MOB3B: variants seen among roughly 807,000 people sequenced by gnomAD.
MOB3B encodes MOB kinase activator 3B.
A neutral mutation model predicts 18.7 loss-of-function variants in MOB3B; 7 were observed. That is an observed-to-expected ratio of 0.37 (90% CI 0.21 to 0.70). MOB3B has a LOEUF of 0.70. Ranked by LOEUF, MOB3B falls within the 30% of genes least tolerant of loss-of-function variation. The pLI is 0.52. For synonymous variants in MOB3B, 111 were observed against 99.9 expected (o/e 1.11, Z -0.66); for missense variants, 253 against 281.3 (o/e 0.90, Z 0.72).
At chr9:27,494,676 G>T (rs10812603) in intron 1 of MOB3B, among the ~76,000 whole-genome samples, 96,560 of 151,898 alleles carry the variant, frequency 0.64, 31,800 homozygotes, top group Non-Finnish European at 0.71. Context: ...CACCAAACCT[G>T]GCTAATTTTT....
At chr9:27,364,933 C>A (rs1821321542) in intron 2 of MOB3B, among the ~76,000 whole-genome samples, 1 of 152,048 alleles carries the variant, frequency 6.6e-6, no homozygotes, top group Admixed American at 6.5e-5. Context: ...ACTAAATAAG[C>A]CCTGGAGTAT....
At chr9:27,458,193 G>GAGC (rs567763990) in intron 1 of MOB3B, among the ~76,000 whole-genome samples, 6 of 152,100 alleles carry the variant, frequency 3.9e-5, no homozygotes, top group Non-Finnish European at 8.8e-5. Context: ...ACAGTCCTCA[G>GAGC]AGCAACTTTC....
chr9:27,441,578 A>G (rs1822595305), intron 2 of MOB3B, among the ~76,000 whole-genome samples: 1 of 152,214 alleles, frequency 6.6e-6, no homozygotes, highest in Non-Finnish European at 1.5e-5. Context: ...TTCTTGTCCC[A>G]GGTAGGACAG....
chr9:27,380,987 C>T (rs1821569940), intron 2 of MOB3B, among the ~76,000 whole-genome samples: 1 of 152,154 alleles, frequency 6.6e-6, no homozygotes, highest in Non-Finnish European at 1.5e-5. Context: ...CATCAGTTCA[C>T]TACCTCTCAC....
rs2131325337 is a variant in MOB3B, at chr9:27,327,710, CA to C, written c.*2876del. 6.6e-6 allele frequency: 1 copy of C among 152,106 alleles called. No homozygotes were observed. The highest frequency in any genetic ancestry group is 6.6e-5 in the Admixed American group (1 of 15,266). 9.4% of individuals were successfully genotyped at this position (152,106 alleles called of 1,614,324 possible). A position where few individuals can be genotyped will look rare whatever the true frequency, so the allele number is the denominator to read the frequency against. On this transcript the variant is annotated 3_prime_UTR_variant, in exon 4 of 4. Coordinates refer to ENST00000262244, the MANE Select transcript of MOB3B (RefSeq NM_024761.5). ...ATTGGATCCTGGATTTAAAAATAAACAGCTATAAAGGATATTTTGGGGACAA... is the reference window on the plus strand; with the variant it reads ...ATTGGATCCTGGATTTAAAAATAAACGCTATAAAGGATATTTTGGGGACAA...
Position 27,409,564 on chromosome 9 carries a change from G to A in MOB3B, c.418+45569C>T, listed in dbSNP as rs139646895. On this transcript the variant is annotated intron_variant, in intron 2 of 3. Transcript: ENST00000262244. ...TAAACATAGAATTATCATATGCTCC[G>A]GCAATTCCACATCTAGGTATATACC... Among the ~76,000 whole-genome samples the A allele has an allele frequency of 1.3e-3, 198 of 152,062 alleles. 1 individual carries two copies. Among genetic ancestry groups the A allele is most frequent in the Non-Finnish European group, 5.0e-4 (34 of 68,004 alleles).
intron 2 of MOB3B, among the ~76,000 whole-genome samples, chr9:27,389,078 C>T (rs901994464): frequency 3.4e-4 from 52 of 152,026 alleles, no homozygotes; most frequent in Admixed American, 3.1e-3. Flanking sequence ...TGATGGTATC[C>T]CACTAATGCT....
intron 1 of MOB3B, among the ~76,000 whole-genome samples, chr9:27,494,564 G>A (rs888856958): frequency 6.6e-6 from 1 of 152,154 alleles, no homozygotes; most frequent in Admixed American, 6.5e-5. Flanking sequence ...CCCAATACTG[G>A]AGTGCAGTGG....
intron 1 of MOB3B, among the ~76,000 whole-genome samples, chr9:27,473,195 A>T (rs1048106674): frequency 2.0e-5 from 3 of 152,260 alleles, no homozygotes; most frequent in Admixed American, 2.0e-4. Flanking sequence ...CTACACTTGG[A>T]TTCTCATTTC....
chr9:27,483,952 C>T (rs1819699362), intron 1 of MOB3B, among the ~76,000 whole-genome samples: 1 of 152,140 alleles, frequency 6.6e-6, no homozygotes, highest in Non-Finnish European at 1.5e-5. Flanking sequence ...CACTGGATTT[C>T]TTGTAGGGGA....
At chr9:27,378,456 A>C (rs147256032) in intron 2 of MOB3B, 1 of 471,368 alleles carries the variant, frequency 2.1e-6, no homozygotes, top group East Asian at 6.9e-5. Flanking sequence ...ATGTGGCCAG[A>C]ATGATTACAT....
intron 2 of MOB3B, among the ~76,000 whole-genome samples, 174 bp downstream of exon 2, chr9:27,454,959 G>T (rs1005020742): frequency 6.6e-6 from 1 of 152,080 alleles, no homozygotes; most frequent in South Asian, 2.1e-4. Flanking sequence ...AATGTAAGTG[G>T]TCCATAAAGT....
intron 2 of MOB3B, among the ~76,000 whole-genome samples, chr9:27,444,733 G>A (rs1822664545): frequency 6.6e-6 from 1 of 152,160 alleles, no homozygotes; most frequent in Non-Finnish European, 1.5e-5. Flanking sequence ...GGGTGACTTT[G>A]AAAGAAGAAA....
intron 3 of MOB3B, among the ~76,000 whole-genome samples, chr9:27,355,813 C>G (rs1011462972): frequency 6.6e-6 from 1 of 151,934 alleles, no homozygotes; most frequent in Non-Finnish European, 1.5e-5. Flanking sequence ...CTGCCTGCCT[C>G]GAGAGCATAG....
Position 27,529,792 on chromosome 9 carries a change from G to C in MOB3B, c.-436C>G. On this transcript the variant is annotated 5_prime_UTR_variant, in exon 1 of 4. Coordinates refer to ENST00000262244, the MANE Select transcript of MOB3B (RefSeq NM_024761.5). ...AGCCCCCTCATGCACCCAGCGCGCCGCGCAGCCGGCCGGGGCTCGACTGTC... is the reference window on the plus strand; with the variant it reads ...AGCCCCCTCATGCACCCAGCGCGCCCCGCAGCCGGCCGGGGCTCGACTGTC... The C allele has an allele frequency of 2.0e-6, 2 of 985,348 alleles. No homozygotes were observed. The highest frequency in any genetic ancestry group is 2.4e-6 in the Non-Finnish European group (2 of 829,896). 61.0% of individuals were successfully genotyped at this position (985,348 alleles called of 1,614,324 possible). A position where few individuals can be genotyped will look rare whatever the true frequency, so the allele number is the denominator to read the frequency against.
In MOB3B at chr9:27,369,723, C is replaced by T. The variant is rs72721188; in HGVS notation, c.419-10487G>A. On this transcript the variant is annotated intron_variant, in intron 2 of 3. Coordinates refer to ENST00000262244, the MANE Select transcript of MOB3B (RefSeq NM_024761.5). ...ATCCTCTTTCTCACTTGCTTCTGGG[C>T]GTTGCTACATACTGGAGGGTTGGTA... 6.8e-4 allele frequency among the ~76,000 whole-genome samples: 103 copies of T among 152,304 alleles called. 2 individuals carry two copies. In the South Asian group the frequency reaches 0.014, roughly 21 times the overall value.
chr9:27,435,371 G>A (rs1822483635), intron 2 of MOB3B, among the ~76,000 whole-genome samples: 1 of 151,746 alleles, frequency 6.6e-6, no homozygotes, highest in African/African-American at 2.4e-5. Flanking sequence ...TTTCTTTTGT[G>A]TGTGTATGTG....
intron 2 of MOB3B, among the ~76,000 whole-genome samples, chr9:27,388,033 C>T (rs1821671320): frequency 6.6e-6 from 1 of 152,080 alleles, no homozygotes; most frequent in Admixed American, 6.6e-5. Context: ...CAAGCAGAAG[C>T]CAGGGATACT....
chr9:27,402,326 G>C (rs935456450), intron 2 of MOB3B, among the ~76,000 whole-genome samples: 4 of 152,176 alleles, frequency 2.6e-5, no homozygotes, highest in Admixed American at 2.0e-4. Context: ...CAAGCTCCAT[G>C]AGAGCCTGGA....
Sources: allele counts gnomAD v4.1 joint callset (sites outside exome capture counted in the v4.1 genomes callset), GRCh38; gene constraint gnomAD v4.1.1; transcripts MANE v1.5; gene names NCBI Gene and HGNC (gene_info 2026-07-23, HGNC 2026-07-21).